The following PPP1R21 variants were observed in gnomAD, a reference collection of about 807,000 sequenced individuals.
The protein encoded by PPP1R21 is protein phosphatase 1 regulatory subunit 21.
PPP1R21 carries 85 observed loss-of-function variants against 112.8 expected under a neutral mutation model. That is an observed-to-expected ratio of 0.75 (90% CI 0.63 to 0.90). The LOEUF (loss-of-function observed/expected upper bound fraction) is 0.90, where lower values mean the gene tolerates loss of function less well. Ranked by LOEUF, PPP1R21 falls within the 40% of genes least tolerant of loss-of-function variation. PPP1R21 has a pLI of 0.00. For synonymous variants in PPP1R21, 381 were observed against 322.3 expected (o/e 1.18, Z -1.95); for missense variants, 1,199 against 901.5 (o/e 1.33, Z -4.23).
At chr2:48,472,604 C>T (rs1002006868) in intron 11 of PPP1R21, among the ~76,000 whole-genome samples, 39 of 147,768 alleles carry the variant, frequency 2.6e-4, no homozygotes, top group African/African-American at 9.8e-4. Context: ...CCAGCCTGGG[C>T]AACAGAGTGA....
At chr2:48,480,608 C>T (rs1254590334) in intron 13 of PPP1R21, among the ~76,000 whole-genome samples, 1 of 152,074 alleles carries the variant, frequency 6.6e-6, no homozygotes, top group East Asian at 1.9e-4. Flanking sequence ...GCGTGTGATT[C>T]TGAGTCCTGA....
chr2:48,453,003 GAGTGC>G (rs2103765764), intron 2 of PPP1R21, among the ~76,000 whole-genome samples: 1 of 150,768 alleles, frequency 6.6e-6, no homozygotes, highest in African/African-American at 2.4e-5. Context: ...ACCCAGGCTG[GAGTGC>G]AGTGGCACAA....
chr2:48,449,935 T>A (rs1258929493), intron 1 of PPP1R21, among the ~76,000 whole-genome samples: 4 of 152,192 alleles, frequency 2.6e-5, no homozygotes, highest in Non-Finnish European at 4.4e-5. Flanking sequence ...TGTGTTCTCT[T>A]CACTGAGAAT....
chr2:48,479,759 A>T (rs757369458), intron 12 of PPP1R21, among the ~76,000 whole-genome samples, 165 bp from the exon 13 acceptor site: 1 of 152,238 alleles, frequency 6.6e-6, no homozygotes, highest in East Asian at 1.9e-4. Flanking sequence ...AGATGTGCTT[A>T]TGTGTATCAC....
intron 2 of PPP1R21, among the ~76,000 whole-genome samples, chr2:48,452,208 A>G (rs1558422506): frequency 2.0e-5 from 3 of 152,218 alleles, no homozygotes; most frequent in Non-Finnish European, 4.4e-5. Flanking sequence ...CTGGTGTTTC[A>G]TACCCTCCTG....
intron 12 of PPP1R21, among the ~76,000 whole-genome samples, chr2:48,475,295 G>C (rs1024784589): frequency 1.3e-5 from 2 of 152,088 alleles, no homozygotes; most frequent in African/African-American, 2.4e-5. Context: ...TAAGGCTGCA[G>C]TGAGCTATGA....
intron 17 of PPP1R21, among the ~76,000 whole-genome samples, chr2:48,499,952 T>C (rs1398941808): frequency 6.6e-6 from 1 of 152,134 alleles, no homozygotes; most frequent in African/African-American, 2.4e-5. Context: ...TAACAAACAT[T>C]TTTTTTACAA....
intron 14 of PPP1R21, among the ~76,000 whole-genome samples, chr2:48,489,234 T>C (rs1669446580): frequency 6.6e-6 from 1 of 152,158 alleles, no homozygotes; most frequent in African/African-American, 2.4e-5. Context: ...TTTTTATTTA[T>C]ATCAGCATTT....
rs749389184 is a variant in PPP1R21, at chr2:48,498,597, A to T, written c.1797A>T (p.Arg599=). ...AKIKLEKENQ[R]IADKLKNTGS... The stretch of plus-strand genomic sequence containing the variant: ...TCAAGCTAGAGAAAGAAAACCAGCG[A>T]ATTGCAGATAAGCTGAAGAATACAG... Residue 599 remains arginine, a synonymous_variant, in exon 17 of 22, where the codon CGA becomes CGT. Coordinates refer to ENST00000294952, the MANE Select transcript of PPP1R21 (RefSeq NM_001135629.3). 38 of 1,614,130 alleles carry T rather than the reference A, an allele frequency of 2.4e-5. No individual in the cohort carries two copies. Among genetic ancestry groups the T allele is most frequent in the Non-Finnish European group, 2.9e-5 (34 of 1,180,052 alleles).
rs545285446 is a variant in PPP1R21 at position 48,499,726 on chromosome 2, T to G, written c.1935+991T>G. On this transcript the variant is annotated intron_variant, in intron 17 of 21. Transcript: ENST00000294952. ...TTTCATGAGGCAGATTGTTGGCACA[T>G]TATCTTGCAACTTTGTATTTCTTGC... 3.3e-5 allele frequency among the ~76,000 whole-genome samples: 5 copies of G among 152,384 alleles called. No homozygotes were observed. In the South Asian group the frequency reaches 1.0e-3, roughly 32 times the overall value.
At chr2:48,474,653 C>G in intron 11 of PPP1R21, 30 bp from the exon 12 acceptor site, 2 of 1,586,806 alleles carry the variant, frequency 1.3e-6, no homozygotes, top group Middle Eastern at 1.7e-4. Flanking sequence ...GTTTGGGATG[C>G]TCACTTCTTA....
chr2:48,489,268 G>C (rs932776642), intron 14 of PPP1R21, among the ~76,000 whole-genome samples: 10 of 152,018 alleles, frequency 6.6e-5, no homozygotes, highest in African/African-American at 2.2e-4. Context: ...AGAGGCTGAG[G>C]TGGGAGTATT....
chr2:48,490,859 A>G (rs1342970383), intron 14 of PPP1R21, among the ~76,000 whole-genome samples, 159 bp from the exon 15 acceptor site: 3 of 152,232 alleles, frequency 2.0e-5, no homozygotes, highest in East Asian at 1.9e-4. Flanking sequence ...TTGCCTAGGT[A>G]TTCTCAAATA....
In PPP1R21 at chr2:48,454,543, C is replaced by A. The variant is rs186184074; in HGVS notation, c.127-52C>A. ...ATAGAAATAATTTTTAATAAAATTT[C>A]TAAACCTTACAGCTAAACTGTGAGG... On this transcript the variant is annotated intron_variant, in intron 2 of 21. Transcript: ENST00000294952. 990 of 1,602,108 alleles carry A rather than the reference C, an allele frequency of 6.2e-4. 11 individuals carry two copies. The African/African-American group carries it at 0.012, about 19-fold the overall frequency.
At chr2:48,488,236 C>G (rs1669398039) in intron 14 of PPP1R21, among the ~76,000 whole-genome samples, 3 of 152,180 alleles carry the variant, frequency 2.0e-5, no homozygotes, top group Non-Finnish European at 4.4e-5. Flanking sequence ...GGACCATCCC[C>G]ACTGCCTCCC....
At position 48,471,157 on chromosome 2, in the gene PPP1R21, A is replaced by C. The variant is rs968650159; in HGVS notation, c.968A>C (p.Glu323Ala). The C allele has an allele frequency of 8.1e-6, 13 of 1,613,260 alleles. No homozygotes were observed. The Admixed American group carries it at 2.2e-4, about 27-fold the overall frequency. The change falls in exon 10 of 22, where the codon GAA becomes GCA. Residue 323 changes from glutamate to alanine, a missense_variant. Transcript: ENST00000294952. ...GAGGAAGGAATGCTTCATTTATTTG[A>C]AAGTATCACTGAGGATACTGTGACT... ...PLEEGMLHLF[E>A]SITEDTVTVL...
chr2:48,495,739 T>G lies in PPP1R21; in HGVS notation c.1660T>G (p.Ser554Ala), dbSNP rs936578234. The G allele has an allele frequency of 1.9e-6, 3 of 1,611,898 alleles. No individual in the cohort carries two copies. Among genetic ancestry groups the G allele is most frequent in the Non-Finnish European group, 2.5e-6 (3 of 1,177,916 alleles). ...GGCAAACCGCCGCATCCTTCTCAGCTCTACTGAAAGTCGAGAAGGCCTTGC... is the reference window on the plus strand; with the variant it reads ...GGCAAACCGCCGCATCCTTCTCAGCGCTACTGAAAGTCGAGAAGGCCTTGC... ...ALANRRILLS[S>A]TESREGLAQQ... Residue 554 changes from serine to alanine, a missense_variant, in exon 16 of 22, where the codon TCT becomes GCT. Physicochemically the swap from Ser to Ala is moderately conservative, Grantham distance 99. Coordinates refer to ENST00000294952, the MANE Select transcript of PPP1R21 (RefSeq NM_001135629.3).
chr2:48,460,305 G>A lies in PPP1R21; in HGVS notation c.599+152G>A, dbSNP rs139284001. 96 of 723,814 alleles carry A rather than the reference G, an allele frequency of 1.3e-4. No homozygotes were observed. In the East Asian group the frequency reaches 2.4e-3, roughly 18 times the overall value. The allele number at this position is 723,814 out of a possible 1,614,324, so 44.8% of individuals were successfully genotyped here. A position where few individuals can be genotyped will look rare whatever the true frequency, so the allele number is the denominator to read the frequency against. On this transcript the variant is annotated intron_variant, in intron 6 of 21. Coordinates refer to ENST00000294952, the MANE Select transcript of PPP1R21 (RefSeq NM_001135629.3). Reference sequence around the variant, plus strand: ...GGTCCTTTTCAATTCTGGGATCTCCGGGGCCCTAAGCATTCTTGATAGAGT... The same window carrying A: ...GGTCCTTTTCAATTCTGGGATCTCCAGGGCCCTAAGCATTCTTGATAGAGT...
chr2:48,499,095 C>G (rs1408166379), intron 17 of PPP1R21, among the ~76,000 whole-genome samples: 3 of 149,984 alleles, frequency 2.0e-5, no homozygotes, highest in African/African-American at 4.9e-5. Flanking sequence ...AATACCATCA[C>G]CTTGGGGGTT....
Sources: gnomAD v4.1 joint callset for allele counts (sites outside exome capture counted in the v4.1 genomes callset) on GRCh38, gnomAD v4.1.1 for gene constraint, MANE v1.5 for transcripts, NCBI Gene and HGNC (gene_info 2026-07-23, HGNC 2026-07-21) for gene names.